Variants in ERBB4 observed in about 807,000 individuals in gnomAD.
ERBB4 encodes the protein erb-b2 receptor tyrosine kinase 4.
Under a neutral mutation model 158.0 loss-of-function variants are expected in ERBB4, and 42 were observed. That is an observed-to-expected ratio of 0.27 (90% CI 0.21 to 0.34). The LOEUF (loss-of-function observed/expected upper bound fraction) is 0.34, where lower values mean the gene tolerates loss of function less well. Among genes scored for constraint, ERBB4 ranks in the 10% least tolerant of loss-of-function variants. The pLI is 1.00. For missense variants in ERBB4, 1,333 were observed against 1,624.1 expected (o/e 0.82, Z 3.08); for synonymous variants, 583 against 558.7 (o/e 1.04, Z -0.61).
At chr2:212,110,097 G>A (rs996141911) in intron 2 of ERBB4, among the ~76,000 whole-genome samples, 1 of 152,088 alleles carries the variant, frequency 6.6e-6, no homozygotes, top group Non-Finnish European at 1.5e-5. Context: ...CTCTTAAAAA[G>A]ACCAATTGTG....
chr2:212,380,834 G>A (rs1437490556), intron 1 of ERBB4, among the ~76,000 whole-genome samples: 1 of 150,984 alleles, frequency 6.6e-6, no homozygotes, highest in African/African-American at 2.4e-5. Context: ...ATTAAATCAA[G>A]TATATTGTAT....
intron 1 of ERBB4, among the ~76,000 whole-genome samples, chr2:212,227,170 G>A (rs868453405): frequency 2.0e-5 from 3 of 151,814 alleles, no homozygotes; most frequent in South Asian, 2.1e-4. Context: ...GTTTGAACCC[G>A]GGAGGTGGAG....
chr2:211,858,105 G>T (rs565843209), intron 3 of ERBB4, among the ~76,000 whole-genome samples: 2 of 152,280 alleles, frequency 1.3e-5, no homozygotes, highest in South Asian at 2.1e-4. Context: ...CACACATAAC[G>T]TCTTAGGGAA....
intron 3 of ERBB4, among the ~76,000 whole-genome samples, chr2:211,881,709 C>T (rs1324104192): frequency 6.6e-6 from 1 of 152,056 alleles, no homozygotes; most frequent in Non-Finnish European, 1.5e-5. Context: ...ATCTATAAAA[C>T]CTCTTGCATT....
intron 4 of ERBB4, among the ~76,000 whole-genome samples, chr2:211,767,430 T>G (rs1170156084): frequency 6.6e-6 from 1 of 152,216 alleles, no homozygotes; most frequent in Non-Finnish European, 1.5e-5. Flanking sequence ...AATTAGGTGC[T>G]TATTATTTGA....
intron 3 of ERBB4, among the ~76,000 whole-genome samples, chr2:211,840,196 G>A (rs375163441): frequency 6.6e-6 from 1 of 152,070 alleles, no homozygotes; most frequent in East Asian, 1.9e-4. Flanking sequence ...TCTCATGATG[G>A]TGAATAAGTC....
chr2:212,519,342 T>C (rs1692019477), intron 1 of ERBB4, among the ~76,000 whole-genome samples: 1 of 152,006 alleles, frequency 6.6e-6, no homozygotes, highest in South Asian at 2.1e-4. Context: ...ACACTAAAAT[T>C]TAATCAAGCA....
intron 13 of ERBB4, among the ~76,000 whole-genome samples, chr2:211,675,406 CT>C (rs1262553804): frequency 1.3e-5 from 2 of 151,910 alleles, no homozygotes; most frequent in East Asian, 3.9e-4. Context: ...AAAATATCCT[CT>C]GTAAAAGGAA....
At chr2:211,956,045 T>C (rs553052311) in intron 2 of ERBB4, among the ~76,000 whole-genome samples, 1 of 151,888 alleles carries the variant, frequency 6.6e-6, no homozygotes, top group African/African-American at 2.4e-5. Context: ...TGTGTGTGTG[T>C]GTGTGTGTGT....
At chr2:211,803,713 T>C (rs1298918913) in intron 3 of ERBB4, among the ~76,000 whole-genome samples, 2 of 152,240 alleles carry the variant, frequency 1.3e-5, no homozygotes, top group African/African-American at 4.8e-5. Context: ...TTACAGTCTT[T>C]GAGACAGCAG....
At chr2:211,445,003 A>C (rs1463766100) in intron 20 of ERBB4, among the ~76,000 whole-genome samples, 2 of 152,158 alleles carry the variant, frequency 1.3e-5, no homozygotes, top group Non-Finnish European at 1.5e-5. Context: ...ACATAATAAA[A>C]AGCACGTAAA....
chr2:211,866,614 C>A (rs368433699), intron 3 of ERBB4, among the ~76,000 whole-genome samples: 63 of 152,060 alleles, frequency 4.1e-4, no homozygotes, highest in African/African-American at 1.5e-3. Context: ...TAATCAAGTA[C>A]AATTATATAA....
In ERBB4 at chr2:212,142,505, A is replaced by G. The variant is rs188897393; in HGVS notation, c.83-17602T>C. ...GATCTTTAGAGATCATTAAGTCCAG[A>G]TTATGCATATAGATGAGAAAACAGC... is the stretch of plus-strand genomic sequence containing the variant. On this transcript the variant is annotated intron_variant, in intron 1 of 27. Transcript: ENST00000342788. Among the ~76,000 whole-genome samples the G allele has an allele frequency of 4.6e-3, 694 of 151,344 alleles. 4 individuals are homozygous for G. Among genetic ancestry groups the G allele is most frequent in the Non-Finnish European group, 7.9e-3 (533 of 67,832 alleles).
intron 2 of ERBB4, among the ~76,000 whole-genome samples, chr2:212,013,134 G>A (rs2076431212): frequency 1.3e-5 from 2 of 149,772 alleles, no homozygotes; most frequent in African/African-American, 4.9e-5. Flanking sequence ...TCAGCTCATT[G>A]CAATCTCCAC....
intron 13 of ERBB4, among the ~76,000 whole-genome samples, chr2:211,674,307 A>G: frequency 6.6e-6 from 1 of 152,264 alleles, no homozygotes; most frequent in Middle Eastern, 3.4e-3. Context: ...GTGATACATT[A>G]AAATATATTT....
At chr2:211,975,018 C>T (rs2081565134) in intron 2 of ERBB4, among the ~76,000 whole-genome samples, 1 of 151,898 alleles carries the variant, frequency 6.6e-6, no homozygotes, top group Non-Finnish European at 1.5e-5. Context: ...GAGCCTTGCT[C>T]TGTCACTCAG....
intron 3 of ERBB4, among the ~76,000 whole-genome samples, chr2:211,823,887 C>A (rs1006193627): frequency 4.6e-5 from 7 of 151,868 alleles, no homozygotes; most frequent in Non-Finnish European, 8.8e-5. Context: ...TGTTTACATT[C>A]AAAGAGAAGT....
At chr2:212,108,058 TTAAA>T (rs2079285423) in intron 2 of ERBB4, among the ~76,000 whole-genome samples, 1 of 152,108 alleles carries the variant, frequency 6.6e-6, no homozygotes. Flanking sequence ...ACTCAGAGAG[TTAAA>T]TAAATATATA....
chr2:211,955,769 G>T (rs1302844286), intron 2 of ERBB4, among the ~76,000 whole-genome samples: 2 of 152,044 alleles, frequency 1.3e-5, no homozygotes, highest in Non-Finnish European at 2.9e-5. Context: ...ATACTTACTT[G>T]TCCATCTATA....
Sources: allele counts gnomAD v4.1 joint callset (sites outside exome capture counted in the v4.1 genomes callset), GRCh38; gene constraint gnomAD v4.1.1; transcripts MANE v1.5; gene names NCBI Gene and HGNC (gene_info 2026-07-23, HGNC 2026-07-21).